ADAMTS17: variants seen among roughly 807,000 people sequenced by gnomAD.
The protein encoded by ADAMTS17 is A disintegrin and metalloproteinase with thrombospondin motifs 17.
ADAMTS17 carries 113 observed loss-of-function variants against 141.5 expected under a neutral mutation model. The ratio of observed to expected loss-of-function variants is 0.80; its 90% confidence interval spans 0.69 to 0.93. ADAMTS17 has a LOEUF of 0.93. Ranked by LOEUF, ADAMTS17 falls within the 40% of genes least tolerant of loss-of-function variation. ADAMTS17 has a pLI of 0.00. For missense variants in ADAMTS17, 1,659 were observed against 1,517.9 expected, an observed-to-expected ratio of 1.09 and a Z score of -1.54; for synonymous variants, 768 against 630.6, an observed-to-expected ratio of 1.22 and a Z score of -3.27.
chr15:100,145,628 A>G (rs1047384926), intron 10 of ADAMTS17, among the ~76,000 whole-genome samples: 1 of 152,200 alleles, frequency 6.6e-6, no homozygotes, highest in African/African-American at 2.4e-5. Flanking sequence ...TCTAAATTGA[A>G]CATGTCAAGA....
intron 7 of ADAMTS17, among the ~76,000 whole-genome samples, chr15:100,229,007 G>A (rs898665466): frequency 6.6e-6 from 1 of 152,184 alleles, no homozygotes; most frequent in Admixed American, 6.5e-5. Flanking sequence ...ATTCTAAGGT[G>A]AAACATTCAG....
chr15:100,149,559 G>A (rs930185062), intron 10 of ADAMTS17, among the ~76,000 whole-genome samples: 1 of 152,108 alleles, frequency 6.6e-6, no homozygotes, highest in East Asian at 1.9e-4. Flanking sequence ...TTAGTTCCCT[G>A]TTCCTCACCT....
chr15:100,063,663 G>A (rs1372656577), intron 15 of ADAMTS17: 1 of 1,289,734 alleles, frequency 7.8e-7, no homozygotes, highest in Non-Finnish European at 1.0e-6. Context: ...GGTGAGTCAA[G>A]TCATTTGTGT....
chr15:100,249,437 G>A (rs765320819), intron 7 of ADAMTS17, among the ~76,000 whole-genome samples: 1 of 152,212 alleles, frequency 6.6e-6, no homozygotes, highest in Non-Finnish European at 1.5e-5. Flanking sequence ...TCCTATGGAA[G>A]CCCAAAGGCC....
At chr15:100,231,789 T>C (rs546991102) in intron 7 of ADAMTS17, among the ~76,000 whole-genome samples, 54 of 152,302 alleles carry the variant, frequency 3.5e-4, no homozygotes, top group Non-Finnish European at 6.0e-4. Flanking sequence ...GAGCTTTGGG[T>C]ATGCATTTTC....
At chr15:100,156,237 T>C (rs952175874) in intron 8 of ADAMTS17, among the ~76,000 whole-genome samples, 4 of 152,228 alleles carry the variant, frequency 2.6e-5, no homozygotes, top group South Asian at 2.1e-4. Context: ...TCTAGAGCCA[T>C]GTTTTCCTAG....
chr15:100,262,201 T>C lies in ADAMTS17; in HGVS notation c.873+151A>G, dbSNP rs1000234761. ...CCCCCTCACACCATGCTTCCGGTACTGATGCCGGCTTTCCTCTCACGCTGG... is the reference window on the plus strand; with the variant it reads ...CCCCCTCACACCATGCTTCCGGTACCGATGCCGGCTTTCCTCTCACGCTGG... On this transcript the variant is annotated intron_variant, in intron 5 of 21. Coordinates refer to ENST00000268070, the MANE Select transcript of ADAMTS17 (RefSeq NM_139057.4). 4.1e-6 allele frequency: 3 copies of C among 724,644 alleles called. No homozygotes were observed. The African/African-American group carries it at 5.3e-5, about 13-fold the overall frequency. 44.9% of individuals were successfully genotyped at this position (724,644 alleles called of 1,614,324 possible).
rs2060314705 is a variant in ADAMTS17, at chr15:99,975,970, C to T, written c.3127+75G>A. 3.4e-6 allele frequency: 5 copies of T among 1,464,578 alleles called. No individual in the cohort carries two copies. In the South Asian group the frequency reaches 5.5e-5, roughly 16 times the overall value. 90.7% of individuals were successfully genotyped at this position (1,464,578 alleles called of 1,614,324 possible). A position where few individuals can be genotyped will look rare whatever the true frequency, so the allele number is the denominator to read the frequency against. On this transcript the variant is annotated intron_variant, in intron 21 of 21. Transcript: ENST00000268070. The stretch of plus-strand genomic sequence containing the variant: ...GAAGGGGCTTTCTGGCTGAAAGAAC[C>T]TCACCGTCAGGGAGGACTTACTGGG...
intron 14 of ADAMTS17, among the ~76,000 whole-genome samples, chr15:100,105,268 G>A (rs1317774695): frequency 6.6e-6 from 1 of 152,198 alleles, no homozygotes. Flanking sequence ...GGCAGGGTGA[G>A]GCTCCCAAGG....
At chr15:100,311,531 C>T (rs1471734236) in intron 3 of ADAMTS17, among the ~76,000 whole-genome samples, 2 of 152,170 alleles carry the variant, frequency 1.3e-5, no homozygotes, top group African/African-American at 4.8e-5. Context: ...GAGGCCTTCT[C>T]TGCTTTGAGT....
At chr15:100,004,023 T>C (rs1051566284) in intron 18 of ADAMTS17, among the ~76,000 whole-genome samples, 1 of 152,266 alleles carries the variant, frequency 6.6e-6, no homozygotes, top group Non-Finnish European at 1.5e-5. Flanking sequence ...ATTTTATGTG[T>C]ATTTTACCAC....
intron 6 of ADAMTS17, among the ~76,000 whole-genome samples, chr15:100,255,512 A>C (rs1009679472): frequency 6.6e-6 from 1 of 152,140 alleles, no homozygotes; most frequent in Admixed American, 6.5e-5. Context: ...GCACTGGCAG[A>C]GGGGAAAGCA....
At chr15:100,325,187 C>A (rs1332603230) in intron 3 of ADAMTS17, among the ~76,000 whole-genome samples, 1 of 152,128 alleles carries the variant, frequency 6.6e-6, no homozygotes, top group African/African-American at 2.4e-5. Context: ...CAGACATCAC[C>A]ACCCCATGGT....
intron 18 of ADAMTS17, among the ~76,000 whole-genome samples, chr15:100,022,359 A>G (rs1315099485): frequency 6.6e-6 from 1 of 151,954 alleles, no homozygotes; most frequent in Non-Finnish European, 1.5e-5. Context: ...TCCACCCTAA[A>G]CCTCGGCTCT....
chr15:100,139,191 A>C (rs139787030), intron 10 of ADAMTS17, among the ~76,000 whole-genome samples: 1 of 152,350 alleles, frequency 6.6e-6, no homozygotes, highest in East Asian at 1.9e-4. Context: ...AAGTACAACA[A>C]AGAAGAAAAG....
intron 10 of ADAMTS17, among the ~76,000 whole-genome samples, chr15:100,135,684 G>A (rs1246094926): frequency 6.6e-6 from 1 of 152,130 alleles, no homozygotes; most frequent in African/African-American, 2.4e-5. Context: ...CAAAGTGTTT[G>A]TATCCAAAAC....
At chr15:100,270,969 C>T (rs192628284) in intron 4 of ADAMTS17, among the ~76,000 whole-genome samples, 1 of 151,888 alleles carries the variant, frequency 6.6e-6, no homozygotes, top group East Asian at 2.0e-4. Context: ...TCTGTGAATT[C>T]ACTACCCTAC....
In ADAMTS17 at chr15:100,281,270, C is replaced by T; in HGVS notation, c.748G>A (p.Ala250Thr). ...ADADMVQYHGAEAAQRFILTV... is the reference protein window; with the variant it reads ...ADADMVQYHGTEAAQRFILTV... Reference sequence around the variant, plus strand: ...AGGATGAACCTCTGGGCGGCCTCGGCCCCGTGGTACTGCACCATGTCGGCG... The same window carrying T: ...AGGATGAACCTCTGGGCGGCCTCGGTCCCGTGGTACTGCACCATGTCGGCG... Residue 250 changes from alanine to threonine, a missense_variant, in exon 4 of 22, where the codon GCC becomes ACC. Physicochemically the swap from Ala to Thr is moderately conservative, Grantham distance 58 (BLOSUM62 0). Transcript: ENST00000268070. 3 of 1,607,734 alleles carry T rather than the reference C, an allele frequency of 1.9e-6. No individual in the cohort carries two copies. The highest frequency in any genetic ancestry group is 1.1e-5 in the South Asian group (1 of 91,064).
intron 13 of ADAMTS17, among the ~76,000 whole-genome samples, chr15:100,110,153 C>T (rs1384337085): frequency 7.9e-6 from 1 of 127,348 alleles, no homozygotes; most frequent in African/African-American, 3.5e-5. Flanking sequence ...GGACCTGGCT[C>T]ACAGAAAGAC....
Sources: allele counts gnomAD v4.1 joint callset (sites outside exome capture counted in the v4.1 genomes callset), GRCh38; gene constraint gnomAD v4.1.1; transcripts MANE v1.5; gene names NCBI Gene and HGNC (gene_info 2026-07-23, HGNC 2026-07-21).